Variants in CFAP97D2 observed in about 807,000 individuals in gnomAD.
CFAP97D2 encodes the protein uncharacterized protein CFAP97D2.
At chr13:114,183,437 G>A (rs959077930) in intron 1 of CFAP97D2, among the ~76,000 whole-genome samples, 5 of 152,066 alleles carry the variant, frequency 3.3e-5, no homozygotes, top group African/African-American at 1.2e-4. Context: ...CAAAGTGCTA[G>A]GATTACAGGT....
chr13:114,216,324 G>T (rs926736379), intron 4 of CFAP97D2, among the ~76,000 whole-genome samples: 3 of 151,966 alleles, frequency 2.0e-5, no homozygotes, highest in Admixed American at 6.6e-5. Context: ...AAGTTCTAGG[G>T]TACATGTGTA....
Position 114,222,315 on chromosome 13 carries a change from A to G in CFAP97D2, c.481-183A>G, listed in dbSNP as rs2081025453. ...AACTCTGAATATACCAAAACACACTAAAATATACACTATAAAGGGGTATAG... is the reference window on the plus strand; with the variant it reads ...AACTCTGAATATACCAAAACACACTGAAATATACACTATAAAGGGGTATAG... On this transcript the variant is annotated intron_variant, in intron 4 of 4. Coordinates refer to ENST00000646158, the Ensembl canonical transcript of CFAP97D2. The surrounding 1 kb of genome is among the most constrained non-coding windows in gnomAD (Gnocchi z 4.4). Among the ~76,000 whole-genome samples the G allele has an allele frequency of 6.6e-6, 1 of 152,334 alleles. No individual in the cohort carries two copies. The highest frequency in any genetic ancestry group is 2.1e-4 in the South Asian group (1 of 4,832).
chr13:114,197,318 T>G (rs2080892711), intron 2 of CFAP97D2, among the ~76,000 whole-genome samples: 1 of 152,238 alleles, frequency 6.6e-6, no homozygotes, highest in Admixed American at 6.5e-5. Flanking sequence ...GTTGGTATCT[T>G]ATTGCTACAA....
intron 1 of CFAP97D2, among the ~76,000 whole-genome samples, chr13:114,182,478 A>C (rs1272533546): frequency 6.6e-6 from 1 of 151,676 alleles, no homozygotes; most frequent in South Asian, 2.1e-4. Context: ...CCACCTCAGC[A>C]CAGACCCTTT....
intron 4 of CFAP97D2, among the ~76,000 whole-genome samples, chr13:114,219,432 A>C (rs532061458): frequency 6.6e-6 from 1 of 152,204 alleles, no homozygotes; most frequent in African/African-American, 2.4e-5. Flanking sequence ...CTTGCAACCA[A>C]TGTTTCAAAT....
At chr13:114,197,371 T>A (rs1334040074) in intron 2 of CFAP97D2, among the ~76,000 whole-genome samples, 1 of 152,258 alleles carries the variant, frequency 6.6e-6, no homozygotes, top group African/African-American at 2.4e-5. Context: ...TTAACCTTAA[T>A]GCTGGTCAGT....
At chr13:114,197,005 G>C (rs2080890467) in intron 2 of CFAP97D2, among the ~76,000 whole-genome samples, 1 of 152,212 alleles carries the variant, frequency 6.6e-6, no homozygotes, top group Admixed American at 6.5e-5. Flanking sequence ...CAATAGAAGG[G>C]AGTGTCTAGG....
rs1327448350 is a variant in CFAP97D2 at position 114,189,541 on chromosome 13, A to G, written c.91-6855A>G. Among the ~76,000 whole-genome samples the G allele has an allele frequency of 6.6e-6, 1 of 152,214 alleles. No homozygotes were observed. The highest frequency in any genetic ancestry group is 1.5e-5 in the Non-Finnish European group (1 of 68,036). On this transcript the variant is annotated intron_variant, in intron 1 of 4. Transcript: ENST00000646158. The surrounding 1 kb of genome is among the most constrained non-coding windows in gnomAD (Gnocchi z 4.5). The stretch of plus-strand genomic sequence containing the variant: ...GACATTACAAGAAAACAGTAAATCA[A>G]TATCTCTCATGAACATTGATGCAAA...
At chr13:114,206,597 T>G (rs2080941429) in intron 3 of CFAP97D2, among the ~76,000 whole-genome samples, 1 of 152,184 alleles carries the variant, frequency 6.6e-6, no homozygotes, top group South Asian at 2.1e-4. Flanking sequence ...ATTAGACGAT[T>G]CCACGTATAT....
chr13:114,213,974 C>G (rs901751058), intron 4 of CFAP97D2: 15 of 143,354 alleles, frequency 1.0e-4, no homozygotes, highest in African/African-American at 4.0e-4. Flanking sequence ...ACCACAGACC[C>G]CATCCCTGTG....
chr13:114,198,848 GT>G (rs2138766171), intron 2 of CFAP97D2, among the ~76,000 whole-genome samples: 1 of 69,958 alleles, frequency 1.4e-5, no homozygotes, highest in African/African-American at 1.4e-4. Flanking sequence ...GCGTCCCCGT[GT>G]GTACGGTCCC....
intron 1 of CFAP97D2, among the ~76,000 whole-genome samples, chr13:114,192,397 A>G (rs2080873015): frequency 6.6e-6 from 1 of 152,208 alleles, no homozygotes; most frequent in Non-Finnish European, 1.5e-5. Flanking sequence ...TTCTCTTTAA[A>G]AAATCATTTA....
intron 3 of CFAP97D2, among the ~76,000 whole-genome samples, chr13:114,210,975 A>G (rs1013727027): frequency 2.0e-5 from 3 of 152,140 alleles, no homozygotes; most frequent in Admixed American, 2.0e-4. Context: ...TCTGTCACCA[A>G]TGAAATGAAA....
At chr13:114,202,624 G>A (rs759225176) in intron 3 of CFAP97D2, among the ~76,000 whole-genome samples, 8 of 152,170 alleles carry the variant, frequency 5.3e-5, no homozygotes, top group Admixed American at 1.3e-4. Context: ...GCTCCTAGTC[G>A]AAGGGCCTTC....
At position 114,211,394 on chromosome 13, in the gene CFAP97D2, G is replaced by A. The variant is rs1366942520; in HGVS notation, c.291-518G>A. Among the ~76,000 whole-genome samples the A allele has an allele frequency of 1.3e-5, 2 of 152,130 alleles. No homozygotes were observed. Among genetic ancestry groups the A allele is most frequent in the Non-Finnish European group, 2.9e-5 (2 of 68,030 alleles). ...GAGTCTGGTTTGAAGCCATTCAGTG[G>A]CTCCACACTGTCTTCCACATGTGCC... is the stretch of plus-strand genomic sequence containing the variant. On this transcript the variant is annotated intron_variant, in intron 3 of 4. Coordinates refer to ENST00000646158, the Ensembl canonical transcript of CFAP97D2. This position sits in a 1 kb window ranked among gnomAD's most constrained non-coding sequence, Gnocchi z 4.2.
intron 1 of CFAP97D2, among the ~76,000 whole-genome samples, chr13:114,191,365 G>C (rs181441235): frequency 2.0e-5 from 3 of 152,192 alleles, no homozygotes; most frequent in African/African-American, 4.8e-5. Context: ...ATTCGCAAAA[G>C]ATACGTCTGA....
At chr13:114,188,271 CAA>C (rs35727895) in intron 1 of CFAP97D2, among the ~76,000 whole-genome samples, 10,369 of 84,454 alleles carry the variant, frequency 0.12, 726 homozygotes, top group East Asian at 0.46. Flanking sequence ...GACCCTGTCT[CAA>C]AAAAAAAAAA....
At chr13:114,206,008 A>G (rs1191641853) in intron 3 of CFAP97D2, among the ~76,000 whole-genome samples, 5 of 152,112 alleles carry the variant, frequency 3.3e-5, no homozygotes, top group African/African-American at 1.2e-4. Flanking sequence ...TCTGGAGTGC[A>G]GTCTGCATTG....
At chr13:114,221,762 GA>G (rs59891583) in intron 4 of CFAP97D2, among the ~76,000 whole-genome samples, 4 of 150,266 alleles carry the variant, frequency 2.7e-5, no homozygotes, top group Non-Finnish European at 5.9e-5. Flanking sequence ...AAAATGAAAA[GA>G]AAAAAAAAGA....
Sources: gnomAD v4.1 joint callset for allele counts (sites outside exome capture counted in the v4.1 genomes callset) on GRCh38, gnomAD v4.1.1 for gene constraint, Gnocchi (gnomAD v3.1) non-coding constraint, MANE v1.5 for transcripts, NCBI Gene and HGNC (gene_info 2026-07-23, HGNC 2026-07-21) for gene names.